The following KLHL23 variants were observed in gnomAD, a reference collection of about 807,000 sequenced individuals.
KLHL23 encodes the protein kelch-like protein 23.
KLHL23 carries 33 observed loss-of-function variants against 48.9 expected under a neutral mutation model. The ratio of observed to expected loss-of-function variants is 0.67; its 90% CI spans 0.51 to 0.90. The LOEUF is 0.90. Ranked by LOEUF, KLHL23 falls within the 40% of genes least tolerant of loss-of-function variation. KLHL23 has a pLI of 0.00. For synonymous variants in KLHL23, 234 were observed against 231.6 expected, an observed-to-expected ratio of 1.01 and a Z score of -0.09; for missense variants, 608 against 669.6, an observed-to-expected ratio of 0.91 and a Z score of 1.02.
At chr2:169,748,332 G>A (rs548380017) in intron 3 of KLHL23, among the ~76,000 whole-genome samples, 2 of 152,336 alleles carry the variant, frequency 1.3e-5, no homozygotes, top group African/African-American at 4.8e-5. Flanking sequence ...CTTCAAGGCA[G>A]AAGGAACAGC....
rs1688781802 is a variant in KLHL23, at chr2:169,745,710, T to C, written c.1367-3712T>C. Among the ~76,000 whole-genome samples, 4 of 152,170 alleles carry C rather than the reference T, an allele frequency of 2.6e-5. No individual in the cohort carries two copies. In the South Asian group the frequency reaches 6.2e-4, roughly 24 times the overall value. On this transcript the variant is annotated intron_variant, in intron 3 of 3. Transcript: ENST00000392647. ...TTCAACAGCTGATTGCTTCCTTGGC[T>C]GACAGCATACAGGAGATGAAGGAGA...
Position 169,741,476 on chromosome 2 carries a change from AG to A in KLHL23, c.1306del (p.Val436PhefsTer35), listed in dbSNP as rs764117556. On this transcript the variant is annotated frameshift_variant, in exon 3 of 4. Coordinates refer to ENST00000392647, the MANE Select transcript of KLHL23 (RefSeq NM_144711.6). LOFTEE classifies it high-confidence loss of function. ...GYRGSCTYDK[V>X]QSYNSDINEW... is the part of the protein sequence containing the mutation. ...ACAGAGGAAGCTGCACCTATGACAAAGTTCAGAGCTACAATTCCGATATCAA... is the reference window on the plus strand; with the variant it reads ...ACAGAGGAAGCTGCACCTATGACAAATTCAGAGCTACAATTCCGATATCAA... 6.2e-7 allele frequency: 1 copy of A among 1,614,022 alleles called. No homozygotes were observed. Among genetic ancestry groups the A allele is most frequent in the Non-Finnish European group, 8.5e-7 (1 of 1,179,962 alleles).
intron 3 of KLHL23, among the ~76,000 whole-genome samples, chr2:169,748,564 T>G (rs1175358697): frequency 6.6e-6 from 1 of 152,144 alleles, no homozygotes; most frequent in Non-Finnish European, 1.5e-5. Context: ...GCACAAAATG[T>G]AAGGCCATGC....
At chr2:169,738,462 T>A (rs1688567481) in intron 2 of KLHL23, among the ~76,000 whole-genome samples, 1 of 152,146 alleles carries the variant, frequency 6.6e-6, no homozygotes, top group South Asian at 2.1e-4. Context: ...TTTTTTCAAT[T>A]CGTTTTATTT....
rs1350463242 is a variant in KLHL23 at position 169,734,298 on chromosome 2, G to T, written c.-3+211G>T. Among the ~76,000 whole-genome samples the T allele has an allele frequency of 1.2e-4, 17 of 147,524 alleles. No homozygotes were observed. In the East Asian group the frequency reaches 3.2e-3, roughly 27 times the overall value. ...TGCGGCGTCCTTCCCACACCTGCGC[G>T]GAGCGCCGGGCAGAGGGACGCGGGC... On this transcript the variant is annotated intron_variant, in intron 1 of 3. Transcript: ENST00000392647.
chr2:169,750,409 G>T lies in KLHL23; in HGVS notation c.*677G>T, dbSNP rs1574533153. 6.6e-6 allele frequency: 1 copy of T among 150,998 alleles called. No individual in the cohort carries two copies. Among genetic ancestry groups the T allele is most frequent in the East Asian group, 1.9e-4 (1 of 5,154 alleles). 9.4% of individuals were successfully genotyped at this position (150,998 alleles called of 1,614,324 possible). A position where few individuals can be genotyped will look rare whatever the true frequency, so the allele number is the denominator to read the frequency against. On this transcript the variant is annotated 3_prime_UTR_variant, in exon 4 of 4. Transcript: ENST00000392647. ...TCATGCCTGTAATCCCAGCACTTTG[G>T]GAGGCTGAGGCGGGAGGATCACTTG...
intron 2 of KLHL23, among the ~76,000 whole-genome samples, chr2:169,738,296 G>GA (rs1038703255): frequency 6.6e-6 from 1 of 151,316 alleles, no homozygotes; most frequent in Non-Finnish European, 1.5e-5. Flanking sequence ...GAAATGGCGG[G>GA]GGGTCTCACT....
Position 169,735,210 on chromosome 2 carries a change from T to G in KLHL23, c.196T>G (p.Phe66Val), listed in dbSNP as rs747931290. ...AACSNYFKAM[F>V]TADMKEKFKN... Reference sequence around the variant, plus strand: ...TTGCAGCAATTATTTTAAGGCAATGTTCACAGCTGACATGAAAGAAAAATT... The same window carrying G: ...TTGCAGCAATTATTTTAAGGCAATGGTCACAGCTGACATGAAAGAAAAATT... Residue 66 changes from phenylalanine (F) to valine (V), a missense_variant, in exon 2 of 4, where the codon TTC becomes GTC. Physicochemically the swap from Phe to Val is conservative, Grantham distance 50. This residue lies in a region of KLHL23 where 419 missense variants were observed against 473.1 expected (regional missense o/e 0.89). Transcript: ENST00000392647. This position sits in a 1 kb window ranked among gnomAD's most constrained non-coding sequence, Gnocchi z 4.5. 1 of 1,606,616 alleles carries G rather than the reference T, an allele frequency of 6.2e-7. No individual in the cohort carries two copies. Among genetic ancestry groups the G allele is most frequent in the Non-Finnish European group, 8.5e-7 (1 of 1,178,332 alleles).
In KLHL23 at chr2:169,749,606, C is replaced by A. The variant is rs760621357; in HGVS notation, c.1551C>A (p.Ser517=). 1 of 1,613,944 alleles carries A rather than the reference C, an allele frequency of 6.2e-7. No homozygotes were observed. Among genetic ancestry groups the A allele is most frequent in the South Asian group, 1.1e-5 (1 of 91,070 alleles). Residue 517 remains serine (S), a synonymous_variant, in exon 4 of 4, where the codon TCC becomes TCA. Transcript: ENST00000392647. ...NGCIYVTGGY[S]YSKGTYLQSI... ...GTATTTATGTCACTGGAGGATACTC[C>A]TACTCAAAGGGAACGTATCTTCAGA...
chr2:169,734,988 AT>A, intron 1 of KLHL23, 24 bp from the exon 2 acceptor site: 1 of 1,516,324 alleles, frequency 6.6e-7, no homozygotes, highest in South Asian at 1.4e-5. Flanking sequence ...TTGAAAACAC[AT>A]TTGTTATTTC....
intron 2 of KLHL23, among the ~76,000 whole-genome samples, chr2:169,740,758 TTTTTATATTATATA>T (rs1398780389): frequency 1.2e-5 from 1 of 81,498 alleles, no homozygotes; most frequent in Non-Finnish European, 2.4e-5. Context: ...TCTATAAGCT[TTTTTATATTATATA>T]TATATATATA....
chr2:169,749,393 A>AG, intron 3 of KLHL23, 29 bp from the exon 4 acceptor site: 1 of 1,540,014 alleles, frequency 6.5e-7, no homozygotes, highest in Non-Finnish European at 8.7e-7. Flanking sequence ...CTTTAAAAAA[A>AG]TGCTGTTTTC....
intron 2 of KLHL23, among the ~76,000 whole-genome samples, chr2:169,738,727 G>A (rs75027538): frequency 0.032 from 4,867 of 151,446 alleles, 103 homozygotes; most frequent in East Asian, 0.1. Flanking sequence ...ATGCAAAATG[G>A]TGCTAGGTAA....
intron 3 of KLHL23, among the ~76,000 whole-genome samples, 198 bp from the exon 4 acceptor site, chr2:169,749,224 G>A (rs1688879635): frequency 6.6e-6 from 1 of 152,138 alleles, no homozygotes; most frequent in Admixed American, 6.5e-5. Flanking sequence ...AGCATGGCAG[G>A]AACAGGCGAT....
rs932391504 is a variant in KLHL23 at position 169,733,981 on chromosome 2, G to A, written c.-109G>A. On this transcript the variant is annotated 5_prime_UTR_variant, in exon 1 of 4. Coordinates refer to ENST00000392647, the MANE Select transcript of KLHL23 (RefSeq NM_144711.6). The stretch of plus-strand genomic sequence containing the variant: ...GTGGGGTGGAGCGGCACTAGCTGGC[G>A]GCTTCCGAGCGCCTCTTCCAAAGAT... The A allele has an allele frequency of 6.6e-6, 1 of 152,014 alleles. No homozygotes were observed. The highest frequency in any genetic ancestry group is 2.4e-5 in the African/African-American group (1 of 41,418). The allele number at this position is 152,014 out of a possible 1,614,324, so 9.4% of individuals were successfully genotyped here.
chr2:169,744,543 T>G (rs1225857348), intron 3 of KLHL23, among the ~76,000 whole-genome samples: 1 of 150,648 alleles, frequency 6.6e-6, no homozygotes, highest in Admixed American at 6.6e-5. Flanking sequence ...ATGGAGAGCT[T>G]TGAATGGCAG....
intron 3 of KLHL23, among the ~76,000 whole-genome samples, chr2:169,747,953 C>T (rs1036085861): frequency 2.0e-5 from 3 of 151,994 alleles, no homozygotes; most frequent in Non-Finnish European, 4.4e-5. Context: ...AGGGAGACCC[C>T]ATCTCTACAA....
Position 169,735,372 on chromosome 2 carries a change from C to G in KLHL23, c.358C>G (p.Leu120Val). Residue 120 changes from leucine (L) to valine (V), a missense_variant, in exon 2 of 4, where the codon CTT becomes GTT. Leu to Val is a conservative substitution (Grantham distance 32). Around this residue, in one of 3 missense-constraint regions of KLHL23, gnomAD observed 419 missense variants for 473.1 expected, o/e 0.89. Transcript: ENST00000392647. The surrounding 1 kb of genome is among the most constrained non-coding windows in gnomAD (Gnocchi z 4.5). ...LLEAADLLQF[L>V]SVKKACERFL... is the part of the protein sequence containing the mutation. The stretch of plus-strand genomic sequence containing the variant: ...TGAGGCAGCGGATCTGCTACAGTTC[C>G]TTTCAGTAAAGAAGGCTTGTGAGCG... 6.2e-7 allele frequency: 1 copy of G among 1,612,838 alleles called. No homozygotes were observed. The highest frequency in any genetic ancestry group is 8.5e-7 in the Non-Finnish European group (1 of 1,179,778).
intron 1 of KLHL23, among the ~76,000 whole-genome samples, chr2:169,734,530 G>A (rs73020374): frequency 0.16 from 24,052 of 152,140 alleles, 1,935 homozygotes; most frequent in Middle Eastern, 0.24. Context: ...GAAAGGGCTC[G>A]GGATTTCCCT....
Sources: allele counts gnomAD v4.1 joint callset (sites outside exome capture counted in the v4.1 genomes callset), GRCh38; gene constraint gnomAD v4.1.1; regional missense constraint gnomAD v4.1.1; non-coding constraint Gnocchi (gnomAD v3.1); transcripts MANE v1.5; gene names NCBI Gene and HGNC (gene_info 2026-07-23, HGNC 2026-07-21).